The following MCTP2 variants were observed in gnomAD, a reference collection of about 807,000 sequenced individuals.
The protein encoded by MCTP2 is multiple C2 and transmembrane domain containing 2.
A neutral mutation model predicts 111.6 loss-of-function variants in MCTP2; 132 were observed. That is an observed-to-expected ratio of 1.18 (90% confidence interval 1.03 to 1.37). The LOEUF (loss-of-function observed/expected upper bound fraction) is 1.37. Among genes scored for constraint, MCTP2 ranks in the 40% most tolerant of loss-of-function variants. The pLI, the probability that MCTP2 is intolerant of heterozygous loss-of-function variation, is 0.00. For synonymous variants in MCTP2, 395 were observed against 387.7 expected (o/e 1.02, Z -0.22); for missense variants, 1,183 against 1,067.9 (o/e 1.11, Z -1.50).
intron 1 of MCTP2, among the ~76,000 whole-genome samples, chr15:94,241,899 T>C (rs2070989891): frequency 6.6e-6 from 1 of 152,188 alleles, no homozygotes; most frequent in Admixed American, 6.5e-5. Flanking sequence ...AAAGAGACTT[T>C]GAATTTGTTT....
intron 2 of MCTP2, among the ~76,000 whole-genome samples, chr15:94,302,987 C>T (rs1049531906): frequency 2.0e-5 from 3 of 150,792 alleles, no homozygotes; most frequent in African/African-American, 7.3e-5. Context: ...ACATGGATGG[C>T]AGCCAGCAAA....
At chr15:94,462,911 T>C (rs115930892) in intron 20 of MCTP2, among the ~76,000 whole-genome samples, 1 of 152,226 alleles carries the variant, frequency 6.6e-6, no homozygotes, top group Non-Finnish European at 1.5e-5. Context: ...ATGAGTATTA[T>C]TTTATGGCCA....
intron 2 of MCTP2, among the ~76,000 whole-genome samples, chr15:94,310,245 A>G (rs1193408917): frequency 6.6e-6 from 1 of 152,192 alleles, no homozygotes; most frequent in African/African-American, 2.4e-5. Flanking sequence ...CAATGATATG[A>G]TATTCTAGAA....
In MCTP2 at chr15:94,440,182, T is replaced by G; in HGVS notation, c.2092T>G (p.Leu698Val). Residue 698 changes from leucine (L) to valine (V), a missense_variant, in exon 18 of 23, where the codon TTG becomes GTG. Leu to Val is a conservative substitution (Grantham distance 32). Coordinates refer to ENST00000357742, the MANE Select transcript of MCTP2 (RefSeq NM_001385001.1). ...LRSTIAFAVFLITVWNFELYM... is the reference protein window; with the variant it reads ...LRSTIAFAVFVITVWNFELYM... ...TTATTTGTCTTTCAATCAGGTATTT[T>G]TGATCACTGTCTGGAATTTTGAACT... is the stretch of plus-strand genomic sequence containing the variant. 6.2e-7 allele frequency: 1 copy of G among 1,614,046 alleles called. No individual in the cohort carries two copies. Among genetic ancestry groups the G allele is most frequent in the Non-Finnish European group, 8.5e-7 (1 of 1,179,962 alleles).
chr15:94,359,403 G>A (rs544944687), intron 10 of MCTP2, among the ~76,000 whole-genome samples: 5 of 152,296 alleles, frequency 3.3e-5, no homozygotes, highest in African/African-American at 1.2e-4. Context: ...CTTGCCTTGT[G>A]TTCATTCTGT....
In MCTP2 at chr15:94,298,247, C is replaced by G. The variant is rs756056091; in HGVS notation, c.-19C>G. On this transcript the variant is annotated 5_prime_UTR_variant, in exon 2 of 23. Coordinates refer to ENST00000357742, the MANE Select transcript of MCTP2 (RefSeq NM_001385001.1). ...GAGGTGTACTTCTGAGAAGTGGCTT[C>G]TTGGGTCTTCATGCAGCCATGGATC... The G allele has an allele frequency of 1.6e-5, 25 of 1,577,398 alleles. No homozygotes were observed. The African/African-American group carries it at 3.0e-4, about 19-fold the overall frequency.
At chr15:94,475,814 G>A (rs1021103467) in intron 21 of MCTP2, among the ~76,000 whole-genome samples, 1 of 152,190 alleles carries the variant, frequency 6.6e-6, no homozygotes, top group Non-Finnish European at 1.5e-5. Context: ...CCTCTAAAGA[G>A]TAAACCAGGG....
Position 94,272,142 on chromosome 15 carries a change from G to A in MCTP2, c.-65-26059G>A, listed in dbSNP as rs547580219. 8.5e-5 allele frequency among the ~76,000 whole-genome samples: 13 copies of A among 152,286 alleles called. No individual in the cohort carries two copies. The South Asian group carries it at 2.5e-3, about 29-fold the overall frequency. Reference sequence around the variant, plus strand: ...ATCCATCTGTGTGGTTTAATCTAGGGCCAATAAACTCAATTATGTGAAGAA... The same window carrying A: ...ATCCATCTGTGTGGTTTAATCTAGGACCAATAAACTCAATTATGTGAAGAA... On this transcript the variant is annotated intron_variant, in intron 1 of 22. Coordinates refer to ENST00000357742, the MANE Select transcript of MCTP2 (RefSeq NM_001385001.1).
chr15:94,338,156 A>G (rs1055784814), intron 4 of MCTP2, among the ~76,000 whole-genome samples: 2 of 152,342 alleles, frequency 1.3e-5, no homozygotes, highest in Admixed American at 6.5e-5. Flanking sequence ...ATTCATTTCA[A>G]TAAATATTCT....
chr15:94,399,825 G>A, intron 15 of MCTP2, 96 bp from the exon 16 acceptor site: 1 of 993,674 alleles, frequency 1.0e-6, no homozygotes, highest in Non-Finnish European at 1.6e-6. Flanking sequence ...AGAGTCAGAA[G>A]CTATTGGTCT....
chr15:94,447,379 G>A (rs1052614373), intron 19 of MCTP2, among the ~76,000 whole-genome samples: 4 of 152,004 alleles, frequency 2.6e-5, no homozygotes, highest in African/African-American at 7.3e-5. Flanking sequence ...TCATTTGTGT[G>A]TGTGTGTGTG....
chr15:94,251,816 G>C (rs774542565), intron 1 of MCTP2, among the ~76,000 whole-genome samples: 23 of 152,098 alleles, frequency 1.5e-4, no homozygotes, highest in Non-Finnish European at 2.9e-4. Flanking sequence ...GCCCCTGACA[G>C]CCATCATTCT....
At chr15:94,376,378 A>G (rs16949048) in intron 12 of MCTP2, among the ~76,000 whole-genome samples, 31,707 of 152,162 alleles carry the variant, frequency 0.21, 4,219 homozygotes, top group African/African-American at 0.36. Context: ...TGTTTGTATG[A>G]TAGCTGTCTC....
chr15:94,242,460 T>C (rs1001539892), intron 1 of MCTP2, among the ~76,000 whole-genome samples: 1 of 152,166 alleles, frequency 6.6e-6, no homozygotes, highest in African/African-American at 2.4e-5. Flanking sequence ...TACGCTGTTA[T>C]GTCAGCTTTC....
chr15:94,341,213 A>G, intron 7 of MCTP2: 8 of 343,574 alleles, frequency 2.3e-5, no homozygotes, highest in South Asian at 1.6e-4. Flanking sequence ...TTAGCTACCA[A>G]GTTTTCCATT....
rs374693154 is a variant in MCTP2 at position 94,356,320 on chromosome 15, A to G, written c.1170+19A>G. 1.9e-6 allele frequency: 3 copies of G among 1,556,164 alleles called. No individual in the cohort carries two copies. The highest frequency in any genetic ancestry group is 2.8e-5 in the African/African-American group (2 of 72,040). On this transcript the variant is annotated intron_variant, in intron 9 of 22. Transcript: ENST00000357742. ...AAGTAAGGTAAGTTCCATCTTTTCC[A>G]TAAGGAGAACAGTATCTTTAAAATA... is the stretch of plus-strand genomic sequence containing the variant.
chr15:94,444,738 A>G (rs2084019669), intron 19 of MCTP2, among the ~76,000 whole-genome samples: 2 of 152,374 alleles, frequency 1.3e-5, no homozygotes, highest in South Asian at 4.1e-4. Context: ...ACAAAGAACA[A>G]GCATACATTT....
intron 17 of MCTP2, among the ~76,000 whole-genome samples, chr15:94,414,965 C>G (rs932473163): frequency 1.3e-5 from 2 of 152,152 alleles, no homozygotes; most frequent in Non-Finnish European, 2.9e-5. Context: ...ATTATGGTGT[C>G]TTTCCTGCTT....
At chr15:94,350,737 A>G (rs562274987) in intron 8 of MCTP2, among the ~76,000 whole-genome samples, 1 of 152,256 alleles carries the variant, frequency 6.6e-6, no homozygotes, top group African/African-American at 2.4e-5. Flanking sequence ...GGGTAGCAGG[A>G]TTATACAAGT....
Sources: gnomAD v4.1 joint callset for allele counts (sites outside exome capture counted in the v4.1 genomes callset) on GRCh38, gnomAD v4.1.1 for gene constraint, MANE v1.5 for transcripts, NCBI Gene and HGNC (gene_info 2026-07-23, HGNC 2026-07-21) for gene names.